Variants in NBAS observed in about 807,000 individuals in gnomAD.
NBAS encodes NAG/BC035112 fusion.
In NBAS, 219 loss-of-function variants were observed where a neutral mutation model predicts 302.5. The observed-to-expected ratio is 0.72, with a 90% CI of 0.65 to 0.81. The LOEUF is 0.81. NBAS is among the 30% of genes least tolerant of loss of function. The pLI is 0.00. For synonymous variants in NBAS, 1,118 were observed against 1,021.6 expected (o/e 1.09, Z -1.80); for missense variants, 2,932 against 2,841.6 (o/e 1.03, Z -0.72).
chr2:15,357,870 C>T (rs563042061), intron 32 of NBAS, among the ~76,000 whole-genome samples: 2 of 152,248 alleles, frequency 1.3e-5, no homozygotes, highest in South Asian at 2.1e-4. Flanking sequence ...AAAACCCACA[C>T]CACTATCTTG....
chr2:15,113,742 G>A, the NBAS span, among the ~76,000 whole-genome samples: 4,593 of 151,810 alleles, frequency 0.03, 141 homozygotes, highest in East Asian at 0.1. Flanking sequence ...CTAAATAAAC[G>A]GAATGGAGTA....
At chr2:14,861,999 A>C in the NBAS span, among the ~76,000 whole-genome samples, 1 of 152,360 alleles carries the variant, frequency 6.6e-6, no homozygotes, top group South Asian at 2.1e-4. Flanking sequence ...TCTGGAGCCA[A>C]GGGTCAGTGA....
chr2:15,513,317 C>A (rs143351982), intron 9 of NBAS, among the ~76,000 whole-genome samples: 1 of 152,140 alleles, frequency 6.6e-6, no homozygotes, highest in East Asian at 1.9e-4. Context: ...AGAGCTAACA[C>A]GTAATTAACC....
intron 47 of NBAS, 127 bp from the exon 48 acceptor site, chr2:15,219,095 G>A: frequency 8.5e-7 from 1 of 1,182,424 alleles, no homozygotes; most frequent in Non-Finnish European, 1.2e-6. Context: ...CCTCTTGAAA[G>A]GAAAAATTTT....
Position 15,172,011 on chromosome 2 carries a change from T to C in NBAS, c.6841-4688A>G, listed in dbSNP as rs116871023. On this transcript the variant is annotated intron_variant, in intron 51 of 51. Coordinates refer to ENST00000281513, the MANE Select transcript of NBAS (RefSeq NM_015909.4). ...ACTTTGTTAGGGTAATATGAGCAAA[T>C]TAATACATCAGGCAAAGTATCTGAA... is the stretch of plus-strand genomic sequence containing the variant. Among the ~76,000 whole-genome samples, 662 of 152,320 alleles carry C rather than the reference T, an allele frequency of 4.3e-3. 12 individuals are homozygous for C. The highest frequency in any genetic ancestry group is 0.042 in the East Asian group (216 of 5,184).
chr2:14,992,098 T>A, the NBAS span, among the ~76,000 whole-genome samples: 1 of 152,176 alleles, frequency 6.6e-6, no homozygotes, highest in Non-Finnish European at 1.5e-5. Context: ...GCAGCAAGCT[T>A]GCACTTTGGA....
chr2:15,477,363 G>A (rs2148591511), intron 13 of NBAS, among the ~76,000 whole-genome samples: 1 of 152,184 alleles, frequency 6.6e-6, no homozygotes, highest in South Asian at 2.1e-4. Flanking sequence ...CCAGGCTAAA[G>A]TGATTCTCCT....
At chr2:15,019,042 C>T in the NBAS span, among the ~76,000 whole-genome samples, 1 of 152,090 alleles carries the variant, frequency 6.6e-6, no homozygotes, top group Non-Finnish European at 1.5e-5. Context: ...ACAGAATAGT[C>T]CAGTTCAAAA....
chr2:15,471,050 T>C (rs927936662), intron 16 of NBAS, among the ~76,000 whole-genome samples: 2 of 152,210 alleles, frequency 1.3e-5, no homozygotes, highest in African/African-American at 2.4e-5. Flanking sequence ...CCTAGCATAG[T>C]GCTCTTGCTC....
At chr2:14,946,793 C>T in the NBAS span, among the ~76,000 whole-genome samples, 5 of 152,036 alleles carry the variant, frequency 3.3e-5, no homozygotes, top group Admixed American at 6.5e-5. Context: ...CAAAACAAGT[C>T]GGAACAAATT....
intron 35 of NBAS, among the ~76,000 whole-genome samples, chr2:15,333,214 A>G (rs1214410557): frequency 1.3e-5 from 2 of 152,202 alleles, no homozygotes; most frequent in African/African-American, 4.8e-5. Flanking sequence ...GAACTGGTGA[A>G]AATGATTTCA....
chr2:15,217,663 A>G (rs1319007010), intron 48 of NBAS, among the ~76,000 whole-genome samples: 3 of 152,010 alleles, frequency 2.0e-5, no homozygotes, highest in Non-Finnish European at 2.9e-5. Context: ...AAGGTTCCCG[A>G]CTCCTGGACG....
chr2:15,024,421 G>T, the NBAS span, among the ~76,000 whole-genome samples: 2 of 151,926 alleles, frequency 1.3e-5, no homozygotes, highest in East Asian at 1.9e-4. Context: ...GAATAGTGCT[G>T]CAACTTAGGC....
chr2:14,963,967 T>C, the NBAS span, among the ~76,000 whole-genome samples: 1 of 152,324 alleles, frequency 6.6e-6, no homozygotes, highest in African/African-American at 2.4e-5. Context: ...ATAATTAGCC[T>C]AAGGCTAAAT....
At chr2:15,318,942 A>G (rs1472489910) in intron 38 of NBAS, among the ~76,000 whole-genome samples, 1 of 152,234 alleles carries the variant, frequency 6.6e-6, no homozygotes, top group East Asian at 1.9e-4. Context: ...TCAACAGAAT[A>G]TACATTCTTC....
chr2:14,805,616 T>C, the NBAS span, among the ~76,000 whole-genome samples: 2 of 152,178 alleles, frequency 1.3e-5, no homozygotes, highest in African/African-American at 4.8e-5. Flanking sequence ...AGTAAGTAGG[T>C]TGCTGCAATA....
At chr2:15,193,882 AG>A (rs1454871175) in intron 48 of NBAS, among the ~76,000 whole-genome samples, 1 of 152,150 alleles carries the variant, frequency 6.6e-6, no homozygotes, top group Non-Finnish European at 1.5e-5. Context: ...TATAAACTAT[AG>A]GAGTCATAAA....
intron 49 of NBAS, among the ~76,000 whole-genome samples, chr2:15,188,195 A>C (rs1474763928): frequency 6.6e-6 from 1 of 152,220 alleles, no homozygotes; most frequent in East Asian, 1.9e-4. Context: ...CCTTAAGTAC[A>C]AACTCAGTAT....
chr2:15,539,735 C>T (rs1027074142), intron 6 of NBAS, among the ~76,000 whole-genome samples: 1 of 152,116 alleles, frequency 6.6e-6, no homozygotes, highest in African/African-American at 2.4e-5. Context: ...GAGTTCCACT[C>T]CTCTAAAAGC....
Sources: gnomAD v4.1 joint callset for allele counts (sites outside exome capture counted in the v4.1 genomes callset) on GRCh38, gnomAD v4.1.1 for gene constraint, MANE v1.5 for transcripts, NCBI Gene and HGNC (gene_info 2026-07-23, HGNC 2026-07-21) for gene names.